ERG: variants seen among roughly 807,000 people sequenced by gnomAD.
ERG encodes the protein ETS transcription factor ERG.
In ERG, 9 loss-of-function variants were observed where a neutral mutation model predicts 55.3. That is an observed-to-expected ratio of 0.16 (90% confidence interval 0.10 to 0.28). ERG has a LOEUF of 0.28. ERG is among the 10% of genes least tolerant of loss of function. The pLI, the probability that ERG is intolerant of heterozygous loss-of-function variation, is 1.00. For missense variants in ERG, 434 were observed against 631.6 expected, an observed-to-expected ratio of 0.69 and a Z score of 3.35; for synonymous variants, 223 against 237.3, an observed-to-expected ratio of 0.94 and a Z score of 0.55.
chr21:38,565,605 G>T (rs994795773), intron 2 of ERG, among the ~76,000 whole-genome samples: 1 of 152,112 alleles, frequency 6.6e-6, no homozygotes, highest in African/African-American at 2.4e-5. Flanking sequence ...CCCTCTCTCT[G>T]CAATACTCTT....
intron 2 of ERG, among the ~76,000 whole-genome samples, chr21:38,427,499 A>G (rs1989890276): frequency 6.6e-6 from 1 of 152,204 alleles, no homozygotes; most frequent in Admixed American, 6.5e-5. Flanking sequence ...CACTTTCCAG[A>G]GGTGTGAACT....
At chr21:38,534,084 T>A (rs1445644139) in intron 2 of ERG, among the ~76,000 whole-genome samples, 1 of 152,036 alleles carries the variant, frequency 6.6e-6, no homozygotes, top group Non-Finnish European at 1.5e-5. Flanking sequence ...TACATGCAAA[T>A]AAAGCCTTTA....
chr21:38,643,263 T>C (rs1033709809), intron 1 of ERG, among the ~76,000 whole-genome samples: 2 of 152,180 alleles, frequency 1.3e-5, no homozygotes, highest in Non-Finnish European at 2.9e-5. Flanking sequence ...AAATCCAAAA[T>C]TAGGTTTTAC....
chr21:38,457,206 G>GC (rs2058998195), intron 1 of ERG, among the ~76,000 whole-genome samples: 1 of 152,190 alleles, frequency 6.6e-6, no homozygotes, highest in African/African-American at 2.4e-5. Flanking sequence ...GGAGGTGGAG[G>GC]CAGGCAGACC....
intron 1 of ERG, among the ~76,000 whole-genome samples, chr21:38,493,747 T>C (rs997275385): frequency 6.6e-6 from 1 of 152,090 alleles, no homozygotes; most frequent in Non-Finnish European, 1.5e-5. Flanking sequence ...CACCTGCCCC[T>C]GTGTGTGGTA....
upstream of ERG, among the ~76,000 whole-genome samples, chr21:38,503,113 A>C (rs1198737697): frequency 6.6e-6 from 1 of 152,248 alleles, no homozygotes; most frequent in Admixed American, 6.5e-5. Flanking sequence ...TACCAATGGC[A>C]GAGAAGCTTT....
Position 38,450,978 on chromosome 21 carries a change from T to C in ERG, c.19-5357A>G, listed in dbSNP as rs147877818. The C allele has an allele frequency of 5.4e-3, 2,414 of 445,204 alleles. 16 individuals are homozygous for C. The highest frequency in any genetic ancestry group is 8.5e-3 in the Non-Finnish European group (1,892 of 222,412). The allele number at this position is 445,204 out of a possible 1,614,324, so 27.6% of individuals were successfully genotyped here. On this transcript the variant is annotated intron_variant, in intron 1 of 9. Coordinates refer to ENST00000288319, the MANE Select transcript of ERG (RefSeq NM_182918.4). ...GAGGATGAGGCAGAAACAGGGTTTGTGTCTGTGAATGGAATCATTCCCCAA... is the reference window on the plus strand; with the variant it reads ...GAGGATGAGGCAGAAACAGGGTTTGCGTCTGTGAATGGAATCATTCCCCAA...
rs146005221 is a variant in ERG, at chr21:38,650,195, T to C, written c.-150+11463A>G. Among the ~76,000 whole-genome samples the C allele has an allele frequency of 9.0e-3, 1,373 of 152,290 alleles. 19 individuals are homozygous for C. Among genetic ancestry groups the C allele is most frequent in the African/African-American group, 0.031 (1,299 of 41,556 alleles). On this transcript the variant is annotated intron_variant, in intron 1 of 10. Transcript: ENST00000398910. Reference sequence around the variant, plus strand: ...ACTAGCGATAATGAAAACAAACTTATCTACAAAGAACCACAGACGAGAAAT... The same window carrying C: ...ACTAGCGATAATGAAAACAAACTTACCTACAAAGAACCACAGACGAGAAAT...
At chr21:38,458,816 CTCTCT>C (rs531924272) in intron 1 of ERG, among the ~76,000 whole-genome samples, 89 of 152,206 alleles carry the variant, frequency 5.8e-4, no homozygotes, top group Admixed American at 1.0e-3. Context: ...TCATCTCCTG[CTCTCT>C]TCTCTTCTCC....
At chr21:38,516,676 C>G (rs1403428806) in intron 2 of ERG, among the ~76,000 whole-genome samples, 1 of 151,758 alleles carries the variant, frequency 6.6e-6, no homozygotes, top group Non-Finnish European at 1.5e-5. Flanking sequence ...TGAACAAAAA[C>G]AACAAAACTG....
intron 2 of ERG, among the ~76,000 whole-genome samples, chr21:38,521,837 A>C (rs2059597227): frequency 6.6e-6 from 1 of 152,218 alleles, no homozygotes. Flanking sequence ...ATAAGTATTA[A>C]AGGGTGTCTT....
rs576153529 is a variant in ERG, at chr21:38,556,731, G to C, written c.-41+18931C>G. 6.6e-5 allele frequency among the ~76,000 whole-genome samples: 10 copies of C among 152,254 alleles called. No homozygotes were observed. The South Asian group carries it at 2.1e-3, about 32-fold the overall frequency. ...GGCTTCTGAGGACACAGAGTGGGGG[G>C]AAGGCTAGGTAGAGGCTGGATGGGA... On this transcript the variant is annotated intron_variant, in intron 2 of 8. Coordinates refer to the ERG transcript ENST00000398897.
chr21:38,434,580 A>C (rs1418357110), intron 2 of ERG, among the ~76,000 whole-genome samples: 2 of 152,210 alleles, frequency 1.3e-5, no homozygotes, highest in Non-Finnish European at 2.9e-5. Flanking sequence ...TTAAATATTG[A>C]GTTCCTTATC....
chr21:38,483,238 C>T (rs1030586102), intron 1 of ERG, among the ~76,000 whole-genome samples: 3 of 152,048 alleles, frequency 2.0e-5, no homozygotes, highest in South Asian at 2.1e-4. Context: ...TTAATAATAC[C>T]GTGCTGTGCT....
rs539021111 is a variant in ERG at position 38,574,291 on chromosome 21, C to A, written c.-41+1371G>T. On this transcript the variant is annotated intron_variant, in intron 2 of 8. Transcript: ENST00000398897. Reference sequence around the variant, plus strand: ...TATGTTCCCAGCACTTCCGAAGAAACCTTATCACATCCACAAGAGATTTCC... The same window carrying A: ...TATGTTCCCAGCACTTCCGAAGAAAACTTATCACATCCACAAGAGATTTCC... Among the ~76,000 whole-genome samples the A allele has an allele frequency of 1.9e-4, 29 of 152,336 alleles. 1 individual carries two copies. Among genetic ancestry groups the A allele is most frequent in the African/African-American group, 6.0e-4 (25 of 41,578 alleles).
chr21:38,451,296 G>A (rs2058939569), intron 1 of ERG: 2 of 462,066 alleles, frequency 4.3e-6, no homozygotes, highest in Admixed American at 2.4e-5. Context: ...CCTAGGGGAT[G>A]TGTAGCAATG....
At chr21:38,466,531 G>A (rs1335300982) in intron 1 of ERG, among the ~76,000 whole-genome samples, 1 of 152,006 alleles carries the variant, frequency 6.6e-6, no homozygotes, top group Non-Finnish European at 1.5e-5. Flanking sequence ...CCTCTCGTGG[G>A]CTCATGATCC....
chr21:38,431,689 C>A (rs549745806), intron 2 of ERG, among the ~76,000 whole-genome samples: 1 of 152,172 alleles, frequency 6.6e-6, no homozygotes, highest in Non-Finnish European at 1.5e-5. Flanking sequence ...TATTAATAAG[C>A]TACATACAAA....
intron 2 of ERG, among the ~76,000 whole-genome samples, chr21:38,567,682 A>G (rs957726701): frequency 5.9e-5 from 9 of 152,220 alleles, no homozygotes; most frequent in Non-Finnish European, 1.3e-4. Context: ...AAACTGTGAG[A>G]AATGCTTACA....
Sources: gnomAD v4.1 joint callset for allele counts (sites outside exome capture counted in the v4.1 genomes callset) on GRCh38, gnomAD v4.1.1 for gene constraint, MANE v1.5 for transcripts, NCBI Gene and HGNC (gene_info 2026-07-23, HGNC 2026-07-21) for gene names.